The following ARHGAP42 variants were observed in gnomAD, a reference collection of about 807,000 sequenced individuals.
The protein encoded by ARHGAP42 is Rho GTPase activating protein 42, also known as rho GTPase-activating protein 42.
In ARHGAP42, 63 loss-of-function variants were observed where a neutral mutation model predicts 125.0. The ratio of observed to expected loss-of-function variants is 0.50; its 90% confidence interval spans 0.41 to 0.62. The LOEUF is 0.62. Among genes scored for constraint, ARHGAP42 ranks in the 20% least tolerant of loss-of-function variants. The probability of loss-of-function intolerance (pLI) is 0.00; values close to 1 mark genes in which losing one functional copy is unlikely to be tolerated. For missense variants in ARHGAP42, 766 were observed against 1,024.2 expected (o/e 0.75, Z 3.44); for synonymous variants, 339 against 351.0 (o/e 0.97, Z 0.38).
intron 2 of ARHGAP42, among the ~76,000 whole-genome samples, chr11:100,781,436 G>A (rs1863308481): frequency 6.6e-6 from 1 of 152,164 alleles, no homozygotes; most frequent in Non-Finnish European, 1.5e-5. Flanking sequence ...ACCCAGAGGT[G>A]AAATGATTTT....
At chr11:100,900,573 A>G (rs1011002548) in intron 4 of ARHGAP42, among the ~76,000 whole-genome samples, 2 of 152,074 alleles carry the variant, frequency 1.3e-5, no homozygotes, top group Non-Finnish European at 2.9e-5. Flanking sequence ...GTCTTTTCAC[A>G]TGGTCCCATA....
chr11:100,872,428 C>A (rs998698876), intron 4 of ARHGAP42, among the ~76,000 whole-genome samples: 1 of 151,974 alleles, frequency 6.6e-6, no homozygotes, highest in Non-Finnish European at 1.5e-5. Context: ...TAGAATCTCG[C>A]TCTGTCACCT....
chr11:100,992,492 C>T lies in ARHGAP42; in HGVS notation c.*3691C>T, dbSNP rs1591347398. The T allele has an allele frequency of 1.2e-6, 2 of 1,614,098 alleles. No homozygotes were observed. The highest frequency in any genetic ancestry group is 2.2e-5 in the East Asian group (1 of 44,880). Reference sequence around the variant, plus strand: ...TTTGTTACCTTCCAAAATCAAGACACTTTTAAGAAACAAAGATAGTTTTCT... The same window carrying T: ...TTTGTTACCTTCCAAAATCAAGACATTTTTAAGAAACAAAGATAGTTTTCT... On this transcript the variant is annotated 3_prime_UTR_variant, in exon 24 of 24. Transcript: ENST00000298815.
chr11:100,893,882 A>G (rs1488188569), intron 4 of ARHGAP42, among the ~76,000 whole-genome samples: 1 of 152,166 alleles, frequency 6.6e-6, no homozygotes, highest in African/African-American at 2.4e-5. Flanking sequence ...AGTTATTTTC[A>G]CAATTTAGCT....
chr11:100,856,828 G>T (rs943753530), intron 3 of ARHGAP42, among the ~76,000 whole-genome samples: 4 of 152,008 alleles, frequency 2.6e-5, no homozygotes, highest in East Asian at 3.9e-4. Flanking sequence ...AGCCTTCCAT[G>T]TGCCAAATCT....
chr11:100,985,374 C>A (rs1039287120), intron 22 of ARHGAP42, among the ~76,000 whole-genome samples: 12 of 151,760 alleles, frequency 7.9e-5, no homozygotes, highest in Non-Finnish European at 1.6e-4. Flanking sequence ...AAAATATTTC[C>A]TTTTTTTTAG....
At chr11:100,756,222 CAAAAAAAAAA>C (rs56164175) in intron 1 of ARHGAP42, among the ~76,000 whole-genome samples, 9 of 47,930 alleles carry the variant, frequency 1.9e-4, no homozygotes, top group African/African-American at 6.5e-4. Context: ...CTTGTCTCTA[CAAAAAAAAAA>C]AAAAAAAAAA....
At chr11:100,981,310 A>G (rs1858539264) in intron 22 of ARHGAP42, among the ~76,000 whole-genome samples, 1 of 152,232 alleles carries the variant, frequency 6.6e-6, no homozygotes, top group East Asian at 1.9e-4. Context: ...TCTGATTAAT[A>G]TATTAGTGGT....
Position 100,940,198 on chromosome 11 carries a change from A to T in ARHGAP42, c.833-1586A>T, listed in dbSNP as rs501797. Among the ~76,000 whole-genome samples the T allele has an allele frequency of 2.8e-3, 429 of 152,192 alleles. 3 individuals are homozygous for T. Among genetic ancestry groups the T allele is most frequent in the African/African-American group, 9.9e-3 (411 of 41,514 alleles). ...AAGTATTAAACTCGATACCGAGGGC[A>T]TTATTATTAAAGAAAAAAATTAAAT... On this transcript the variant is annotated intron_variant, in intron 8 of 23. Transcript: ENST00000298815.
At chr11:100,873,859 G>T (rs1318936618) in intron 4 of ARHGAP42, among the ~76,000 whole-genome samples, 1 of 152,142 alleles carries the variant, frequency 6.6e-6, no homozygotes. Context: ...TAAGGCACAT[G>T]CCCCTCAACC....
intron 2 of ARHGAP42, among the ~76,000 whole-genome samples, chr11:100,771,382 T>A (rs1016749943): frequency 3.3e-5 from 5 of 152,190 alleles, no homozygotes; most frequent in African/African-American, 1.2e-4. Context: ...CCCCCACCTT[T>A]TAAAGACCTC....
chr11:100,915,329 G>C (rs997503191), intron 5 of ARHGAP42, among the ~76,000 whole-genome samples: 1 of 152,080 alleles, frequency 6.6e-6, no homozygotes, highest in African/African-American at 2.4e-5. Context: ...GTTATGGTAT[G>C]GATGTGGATG....
chr11:100,733,256 C>T (rs898854058), intron 1 of ARHGAP42, among the ~76,000 whole-genome samples: 1 of 152,168 alleles, frequency 6.6e-6, no homozygotes, highest in African/African-American at 2.4e-5. Flanking sequence ...AGACCTAACT[C>T]ATGGGATTGT....
At chr11:100,801,960 C>A (rs543138091) in intron 3 of ARHGAP42, among the ~76,000 whole-genome samples, 2 of 152,210 alleles carry the variant, frequency 1.3e-5, no homozygotes, top group Non-Finnish European at 2.9e-5. Flanking sequence ...TTAAAAAGTG[C>A]GTCTTTATTG....
chr11:100,714,230 A>G (rs530682330), intron 1 of ARHGAP42, among the ~76,000 whole-genome samples: 4 of 152,304 alleles, frequency 2.6e-5, no homozygotes, highest in African/African-American at 9.6e-5. Flanking sequence ...GAGGACTAAA[A>G]TGTATTTACC....
At chr11:100,699,523 T>A (rs1272634852) in intron 1 of ARHGAP42, among the ~76,000 whole-genome samples, 1,243 of 96,486 alleles carry the variant, frequency 0.013, 4 homozygotes, top group South Asian at 0.022. Context: ...TTTTTTTTTT[T>A]TTTTTTTTTT....
Position 100,989,960 on chromosome 11 carries a change from AT to A in ARHGAP42, c.*1160del, listed in dbSNP as rs1858788738. ...TTTTGTGATCTTCAGCAGAAATAAA[AT>A]CTGTACATGATTTTCTTTTATGCCT... On this transcript the variant is annotated 3_prime_UTR_variant, in exon 24 of 24. Coordinates refer to ENST00000298815, the MANE Select transcript of ARHGAP42 (RefSeq NM_152432.4). 1 of 152,202 alleles carries A rather than the reference AT, an allele frequency of 6.6e-6. No individual in the cohort carries two copies. The highest frequency in any genetic ancestry group is 2.1e-4 in the South Asian group (1 of 4,830). The allele number at this position is 152,202 out of a possible 1,614,324, so 9.4% of individuals were successfully genotyped here.
intron 6 of ARHGAP42, among the ~76,000 whole-genome samples, chr11:100,930,588 G>A (rs1035491845): frequency 7.2e-5 from 11 of 152,148 alleles, no homozygotes; most frequent in African/African-American, 2.7e-4. Context: ...GCTAGAAGCT[G>A]CCAATGGGTT....
intron 3 of ARHGAP42, chr11:100,816,839 A>G (rs1864278400): frequency 6.6e-6 from 1 of 152,220 alleles, no homozygotes; most frequent in Admixed American, 6.5e-5. Context: ...AGGATGAGAC[A>G]AGCCACATTG....
Sources: allele counts gnomAD v4.1 joint callset (sites outside exome capture counted in the v4.1 genomes callset), GRCh38; gene constraint gnomAD v4.1.1; transcripts MANE v1.5; gene names NCBI Gene and HGNC (gene_info 2026-07-23, HGNC 2026-07-21).